Variants in FRAS1 observed in about 807,000 individuals in gnomAD.
The protein encoded by FRAS1 is extracellular matrix organizing protein FRAS1.
FRAS1 carries 290 observed loss-of-function variants against 435.2 expected under a neutral mutation model. The observed-to-expected ratio is 0.67, with a 90% CI of 0.61 to 0.73. FRAS1 has a LOEUF of 0.73. Ranked by LOEUF, FRAS1 falls within the 30% of genes least tolerant of loss-of-function variation. The probability of loss-of-function intolerance (pLI) is 0.00; values close to 1 mark genes in which losing one functional copy is unlikely to be tolerated. For synonymous variants in FRAS1, 1,800 were observed against 1,851.0 expected, an observed-to-expected ratio of 0.97 and a Z score of 0.71; for missense variants, 4,860 against 5,001.5, an observed-to-expected ratio of 0.97 and a Z score of 0.85.
intron 1 of FRAS1, among the ~76,000 whole-genome samples, chr4:78,059,508 GA>G (rs71214393): frequency 0.22 from 28,451 of 130,898 alleles, 2,815 homozygotes; most frequent in African/African-American, 0.25. Context: ...GCGTACTTTG[GA>G]AAAAAAAAAA....
intron 20 of FRAS1, among the ~76,000 whole-genome samples, chr4:78,339,359 G>C (rs914404003): frequency 6.6e-6 from 1 of 152,286 alleles, no homozygotes; most frequent in Admixed American, 6.5e-5. Context: ...TGATGTTTGA[G>C]GGGGATACAG....
chr4:78,280,774 G>A (rs751364363), intron 10 of FRAS1, among the ~76,000 whole-genome samples: 9 of 152,082 alleles, frequency 5.9e-5, no homozygotes, highest in Admixed American at 1.3e-4. Flanking sequence ...AGGACTTACC[G>A]CATGAGGCTG....
At chr4:78,480,489 A>T (rs1719980444) in intron 56 of FRAS1, among the ~76,000 whole-genome samples, 1 of 152,166 alleles carries the variant, frequency 6.6e-6, no homozygotes, top group Admixed American at 6.5e-5. Flanking sequence ...TGTGGTCCAG[A>T]GGGAGGGCCT....
At chr4:78,332,559 T>C (rs1318621548) in intron 18 of FRAS1, among the ~76,000 whole-genome samples, 2 of 152,204 alleles carry the variant, frequency 1.3e-5, no homozygotes, top group East Asian at 1.9e-4. Flanking sequence ...ATCCTAAGAA[T>C]TCACATGCAT....
chr4:78,261,112 A>C (rs1008555932), intron 6 of FRAS1, among the ~76,000 whole-genome samples: 1 of 151,444 alleles, frequency 6.6e-6, no homozygotes, highest in Non-Finnish European at 1.5e-5. Flanking sequence ...TTTCCTCTGC[A>C]TGGCGAGATT....
At chr4:78,063,135 T>A (rs1439116482) in intron 1 of FRAS1, among the ~76,000 whole-genome samples, 1 of 152,118 alleles carries the variant, frequency 6.6e-6, no homozygotes, top group Non-Finnish European at 1.5e-5. Flanking sequence ...AAAAAAATAA[T>A]GAGTCGAGAG....
At chr4:78,153,193 CTTCA>C (rs1240606117) in intron 2 of FRAS1, among the ~76,000 whole-genome samples, 1 of 152,092 alleles carries the variant, frequency 6.6e-6, no homozygotes, top group Non-Finnish European at 1.5e-5. Flanking sequence ...GCCTTCCAGC[CTTCA>C]TTCCCCCCAC....
chr4:78,120,437 T>C (rs932570520), intron 2 of FRAS1, among the ~76,000 whole-genome samples: 3 of 152,196 alleles, frequency 2.0e-5, no homozygotes, highest in Non-Finnish European at 4.4e-5. Flanking sequence ...ATACCTTTCA[T>C]ATTTCTCTTG....
At chr4:78,307,235 G>C (rs1313577166) in intron 14 of FRAS1, among the ~76,000 whole-genome samples, 1 of 152,264 alleles carries the variant, frequency 6.6e-6, no homozygotes, top group Non-Finnish European at 1.5e-5. Flanking sequence ...CAGATCTCAA[G>C]CTGCGTGCTG....
intron 20 of FRAS1, among the ~76,000 whole-genome samples, chr4:78,338,806 G>GGC (rs1730282948): frequency 6.6e-6 from 1 of 152,220 alleles, no homozygotes; most frequent in Admixed American, 6.5e-5. Flanking sequence ...TTGAGGGTGG[G>GGC]GCGGGGCACA....
chr4:78,387,834 G>T, intron 29 of FRAS1, 133 bp downstream of exon 29: 1 of 593,302 alleles, frequency 1.7e-6, no homozygotes, highest in Non-Finnish European at 2.8e-6. Flanking sequence ...CTATTATATA[G>T]AGGGCACTAT....
At chr4:78,280,112 A>C (rs946140417) in intron 10 of FRAS1, among the ~76,000 whole-genome samples, 8 of 152,204 alleles carry the variant, frequency 5.3e-5, no homozygotes, top group African/African-American at 1.7e-4. Context: ...ACAACCTCAC[A>C]TAATTTTTTT....
At chr4:78,093,296 A>T (rs1301348404) in intron 2 of FRAS1, among the ~76,000 whole-genome samples, 5 of 152,268 alleles carry the variant, frequency 3.3e-5, no homozygotes, top group African/African-American at 1.2e-4. Flanking sequence ...TGCAGGCGCC[A>T]TGAAAAAATA....
chr4:78,415,682 G>A (rs764810903), intron 32 of FRAS1, among the ~76,000 whole-genome samples: 13 of 152,164 alleles, frequency 8.5e-5, no homozygotes, highest in Non-Finnish European at 1.9e-4. Context: ...AAGTGAAAAC[G>A]CAGTAAGAAA....
At chr4:78,100,239 T>G (rs1742054002) in intron 2 of FRAS1, among the ~76,000 whole-genome samples, 1 of 152,214 alleles carries the variant, frequency 6.6e-6, no homozygotes, top group African/African-American at 2.4e-5. Context: ...CTGGTTGACC[T>G]CTCCCCTCTG....
intron 2 of FRAS1, among the ~76,000 whole-genome samples, chr4:78,228,688 T>C (rs1032397024): frequency 6.6e-6 from 1 of 152,206 alleles, no homozygotes; most frequent in Non-Finnish European, 1.5e-5. Context: ...AGCTGGAAAT[T>C]CCAGCAGGGA....
At chr4:78,437,657 A>G (rs1249376396) in intron 38 of FRAS1, among the ~76,000 whole-genome samples, 2 of 152,194 alleles carry the variant, frequency 1.3e-5, no homozygotes, top group African/African-American at 4.8e-5. Flanking sequence ...TACCTCAACT[A>G]ACTGTACAAC....
intron 6 of FRAS1, among the ~76,000 whole-genome samples, chr4:78,259,711 A>G (rs975812112): frequency 4.0e-4 from 59 of 147,110 alleles, no homozygotes; most frequent in African/African-American, 1.4e-3. Context: ...CTTTAGTTTA[A>G]TGAGATCCCA....
intron 2 of FRAS1, among the ~76,000 whole-genome samples, chr4:78,212,436 A>G (rs1483155982): frequency 6.6e-6 from 1 of 152,170 alleles, no homozygotes; most frequent in Non-Finnish European, 1.5e-5. Context: ...TAAATCAAAG[A>G]AGTGAGTCTG....
Sources: gnomAD v4.1 joint callset for allele counts (sites outside exome capture counted in the v4.1 genomes callset) on GRCh38, gnomAD v4.1.1 for gene constraint, MANE v1.5 for transcripts, NCBI Gene and HGNC (gene_info 2026-07-23, HGNC 2026-07-21) for gene names.